Variants in ZPBP observed in about 807,000 individuals in gnomAD.
ZPBP encodes zona pellucida binding protein, also known as zona pellucida-binding protein 1.
ZPBP carries 26 observed loss-of-function variants against 44.8 expected under a neutral mutation model. That is an observed-to-expected ratio of 0.58 (90% CI 0.43 to 0.81). The LOEUF (loss-of-function observed/expected upper bound fraction) is 0.81, where lower values mean the gene tolerates loss of function less well. ZPBP is among the 30% of genes least tolerant of loss of function. The pLI is 0.00. For missense variants in ZPBP, 409 were observed against 434.0 expected (o/e 0.94, Z 0.51); for synonymous variants, 174 against 153.2 (o/e 1.14, Z -1.00).
chr7:49,930,317 G>A (rs113139757), intron 1 of ZPBP, among the ~76,000 whole-genome samples: 163 of 152,216 alleles, frequency 1.1e-3, no homozygotes, highest in Non-Finnish European at 1.6e-3. Flanking sequence ...GTGTAAACCC[G>A]GGAAGGTATT....
intron 3 of ZPBP, among the ~76,000 whole-genome samples, chr7:50,074,549 T>C (rs1019365507): frequency 1.3e-4 from 20 of 151,794 alleles, no homozygotes; most frequent in African/African-American, 4.6e-4. Flanking sequence ...AAGATACACA[T>C]AGGCTGAAAA....
rs1479442893 is a variant in ZPBP at position 49,896,916 on chromosome 7, T to C, written n.509+4202A>G. 3.0e-5 allele frequency among the ~76,000 whole-genome samples: 4 copies of C among 133,482 alleles called. No homozygotes were observed. The Admixed American group carries it at 3.5e-4, about 12-fold the overall frequency. The allele number at this position is 133,482 out of a possible 152,430, so 87.6% of individuals were successfully genotyped here. A position where few individuals can be genotyped will look rare whatever the true frequency, so the allele number is the denominator to read the frequency against. On this transcript the variant is annotated intron_variant and non_coding_transcript_variant, in intron 2 of 2. Coordinates refer to the ZPBP transcript ENST00000465922. ...TTTTTTTTTTTTTTTTGAGACGGAG[T>C]CTCGCTCTGTCGCCCAGGCCGGACT...
At chr7:49,988,713 C>G (rs1797431353) in intron 6 of ZPBP, among the ~76,000 whole-genome samples, 1 of 152,140 alleles carries the variant, frequency 6.6e-6, no homozygotes, top group African/African-American at 2.4e-5. Context: ...GACAGGCAGT[C>G]TCAAATGCAG....
intron 7 of ZPBP, among the ~76,000 whole-genome samples, chr7:49,978,434 T>A (rs1161909926): frequency 1.3e-5 from 2 of 151,984 alleles, no homozygotes; most frequent in Non-Finnish European, 2.9e-5. Flanking sequence ...AGAAAAATAA[T>A]ATAGGTGGAA....
At chr7:50,069,060 C>G (rs960744689) in intron 3 of ZPBP, among the ~76,000 whole-genome samples, 1 of 152,268 alleles carries the variant, frequency 6.6e-6, no homozygotes, top group South Asian at 2.1e-4. Flanking sequence ...AACTTGGGCA[C>G]GGCCAGATCT....
At chr7:49,877,559 C>A (rs530221940) in intron 2 of ZPBP, among the ~76,000 whole-genome samples, 11 of 118,854 alleles carry the variant, frequency 9.3e-5, no homozygotes, top group African/African-American at 3.1e-4. Flanking sequence ...CCTTTGTCTT[C>A]CTTTTTTTTA....
At chr7:49,893,386 T>C (rs982337904) in intron 2 of ZPBP, among the ~76,000 whole-genome samples, 3 of 152,222 alleles carry the variant, frequency 2.0e-5, no homozygotes, top group Admixed American at 1.3e-4. Context: ...AGGATAGTTT[T>C]CAAGCTGGCA....
intron 6 of ZPBP, among the ~76,000 whole-genome samples, chr7:49,988,300 C>T (rs1349759011): frequency 6.6e-6 from 1 of 152,038 alleles, no homozygotes; most frequent in Non-Finnish European, 1.5e-5. Context: ...AACAAGCCTC[C>T]TCAAATCAAA....
intron 7 of ZPBP, among the ~76,000 whole-genome samples, chr7:49,973,502 G>A (rs971950289): frequency 1.3e-5 from 2 of 151,782 alleles, no homozygotes; most frequent in Admixed American, 6.6e-5. Flanking sequence ...TAACAAAAAA[G>A]GCAACCTAAT....
intron 7 of ZPBP, among the ~76,000 whole-genome samples, chr7:49,969,017 G>A (rs1422487067): frequency 6.6e-6 from 1 of 151,658 alleles, no homozygotes; most frequent in African/African-American, 2.4e-5. Context: ...GGTGATTGAT[G>A]TCACATTAAT....
intron 7 of ZPBP, among the ~76,000 whole-genome samples, chr7:49,981,311 A>ATG (rs1796870992): frequency 1.7e-5 from 1 of 57,662 alleles, no homozygotes; most frequent in Non-Finnish European, 3.7e-5. Flanking sequence ...ATATAATTAT[A>ATG]TATTATATAA....
At chr7:49,871,798 C>G (rs529688836) in intron 2 of ZPBP, among the ~76,000 whole-genome samples, 2 of 150,764 alleles carry the variant, frequency 1.3e-5, no homozygotes, top group South Asian at 4.2e-4. Flanking sequence ...TTTGTAATTA[C>G]ATTTAAGGGA....
At chr7:49,972,827 T>C (rs554982693) in intron 7 of ZPBP, among the ~76,000 whole-genome samples, 18 of 151,966 alleles carry the variant, frequency 1.2e-4, no homozygotes, top group Admixed American at 1.1e-3. Context: ...CTAAACGTAT[T>C]ACAAAGCTAC....
At chr7:50,056,055 C>T (rs964557686) in intron 4 of ZPBP, 8 of 152,154 alleles carry the variant, frequency 5.3e-5, no homozygotes, top group Non-Finnish European at 8.8e-5. Context: ...AAAATATCAT[C>T]AAGAAACCAC....
intron 6 of ZPBP, among the ~76,000 whole-genome samples, chr7:49,987,017 G>A (rs10228589): frequency 0.29 from 43,957 of 151,902 alleles, 6,986 homozygotes; most frequent in Non-Finnish European, 0.37. Flanking sequence ...ATTTTACAGC[G>A]GCGGCCTGGG....
At chr7:49,860,602 C>T (rs958654250) in intron 2 of ZPBP, among the ~76,000 whole-genome samples, 1 of 152,170 alleles carries the variant, frequency 6.6e-6, no homozygotes, top group Non-Finnish European at 1.5e-5. Context: ...GCTTTCAATT[C>T]CTTTGGCTAT....
At chr7:50,074,984 C>T (rs961756480) in intron 3 of ZPBP, among the ~76,000 whole-genome samples, 1 of 151,770 alleles carries the variant, frequency 6.6e-6, no homozygotes, top group African/African-American at 2.4e-5. Flanking sequence ...TTCCTCAGTA[C>T]AGAGATCATT....
rs1262391235 is a variant in ZPBP, at chr7:49,969,812, T to TAG, written c.961+13529_961+13530insCT. On this transcript the variant is annotated intron_variant, in intron 7 of 7. Coordinates refer to ENST00000046087, the MANE Select transcript of ZPBP (RefSeq NM_007009.3). The stretch of plus-strand genomic sequence containing the variant: ...GTTTATGTTAATAAATGTATATATA[T>TAG]ATATATAGAGAGAGAGAGAGAGAGA... 2.1e-3 allele frequency among the ~76,000 whole-genome samples: 242 copies of TAG among 114,026 alleles called. 4 individuals carry two copies. The highest frequency in any genetic ancestry group is 0.018 in the Admixed American group (203 of 11,530). The allele number at this position is 114,026 out of a possible 152,430, so 74.8% of individuals were successfully genotyped here. A position where few individuals can be genotyped will look rare whatever the true frequency, so the allele number is the denominator to read the frequency against.
At chr7:50,019,905 T>TA (rs1031087923) in intron 5 of ZPBP, among the ~76,000 whole-genome samples, 7 of 152,122 alleles carry the variant, frequency 4.6e-5, no homozygotes, top group African/African-American at 1.2e-4. Context: ...TAAGTCCTTT[T>TA]AAAAAATGAG....
Sources: allele counts gnomAD v4.1 joint callset (sites outside exome capture counted in the v4.1 genomes callset), GRCh38; gene constraint gnomAD v4.1.1; transcripts MANE v1.5; gene names NCBI Gene and HGNC (gene_info 2026-07-23, HGNC 2026-07-21).